GPLD1: variants seen among roughly 807,000 people sequenced by gnomAD.
The protein encoded by GPLD1 is glycosylphosphatidylinositol specific phospholipase D1.
GPLD1 carries 84 observed loss-of-function variants against 112.6 expected under a neutral mutation model. That is an observed-to-expected ratio of 0.75 (90% CI 0.63 to 0.89). The LOEUF is 0.89. GPLD1 is among the 40% of genes least tolerant of loss of function. The pLI is 0.00. For synonymous variants in GPLD1, 386 were observed against 403.8 expected, an observed-to-expected ratio of 0.96 and a Z score of 0.53; for missense variants, 1,044 against 1,051.5, an observed-to-expected ratio of 0.99 and a Z score of 0.10.
In GPLD1 at chr6:24,434,550, G is replaced by A. The variant is rs115095840; in HGVS notation, c.2359-1161C>T. Among the ~76,000 whole-genome samples, 373 of 152,244 alleles carry A rather than the reference G, an allele frequency of 2.5e-3. 1 individual carries two copies. The highest frequency in any genetic ancestry group is 8.4e-3 in the African/African-American group (350 of 41,546). On this transcript the variant is annotated intron_variant, in intron 22 of 24. Coordinates refer to ENST00000230036, the MANE Select transcript of GPLD1 (RefSeq NM_001503.4). ...TGTTGTGCCCTGCCTTCCTGGCAGT[G>A]TAACCTTGAATAAACTTCCTCGCTG...
At chr6:24,474,903 G>T (rs566631939) in intron 5 of GPLD1, among the ~76,000 whole-genome samples, 1 of 147,008 alleles carries the variant, frequency 6.8e-6, no homozygotes, top group Non-Finnish European at 1.5e-5. Context: ...TCGCGCCTTC[G>T]CACCACTGCA....
intron 2 of GPLD1, among the ~76,000 whole-genome samples, chr6:24,483,536 G>A (rs571062148): frequency 2.6e-5 from 4 of 151,686 alleles, no homozygotes; most frequent in Non-Finnish European, 4.4e-5. Context: ...AAAATTAGCC[G>A]GGCATGGTGG....
chr6:24,492,416 G>A (rs187348059), upstream of GPLD1, among the ~76,000 whole-genome samples: 31 of 148,940 alleles, frequency 2.1e-4, no homozygotes, highest in East Asian at 6.3e-3. Flanking sequence ...TGAGGCAGGA[G>A]AATCACTTGA....
At chr6:24,463,806 T>G (rs745885168) in intron 10 of GPLD1, among the ~76,000 whole-genome samples, 1 of 152,232 alleles carries the variant, frequency 6.6e-6, no homozygotes, top group Non-Finnish European at 1.5e-5. Flanking sequence ...AATTTTTTTG[T>G]GTTGTCTCTT....
At chr6:24,434,087 T>A (rs989533225) in intron 22 of GPLD1, among the ~76,000 whole-genome samples, 2 of 152,068 alleles carry the variant, frequency 1.3e-5, no homozygotes, top group African/African-American at 4.8e-5. Flanking sequence ...TCTCGGTATA[T>A]TGTTAGGTAG....
intron 20 of GPLD1, among the ~76,000 whole-genome samples, chr6:24,437,909 GA>G (rs1245637078): frequency 2.0e-5 from 3 of 152,142 alleles, no homozygotes; most frequent in Non-Finnish European, 4.4e-5. Flanking sequence ...CTGGTCTAGA[GA>G]AGAGGCCGCT....
At chr6:24,424,622 C>G (rs1337536391), downstream of GPLD1, 1 of 152,180 alleles carries the variant, frequency 6.6e-6, no homozygotes, top group Admixed American at 6.5e-5. Flanking sequence ...AGCCTGAAAG[C>G]TGCCATCCTC....
chr6:24,475,932 A>T lies in GPLD1; in HGVS notation c.330+249T>A, dbSNP rs181684040. The stretch of plus-strand genomic sequence containing the variant: ...TAAGGACTTTTGGAAACGTTTTACG[A>T]TGTGTTGGAAGTGCTTTCAGATTAA... On this transcript the variant is annotated intron_variant, in intron 4 of 24. Coordinates refer to ENST00000230036, the MANE Select transcript of GPLD1 (RefSeq NM_001503.4). Among the ~76,000 whole-genome samples, 148 of 152,230 alleles carry T rather than the reference A, an allele frequency of 9.7e-4. 5 individuals are homozygous for T. The highest frequency in any genetic ancestry group is 9.7e-3 in the Admixed American group (148 of 15,282).
upstream of GPLD1, among the ~76,000 whole-genome samples, chr6:24,491,451 C>T (rs1764557005): frequency 6.6e-6 from 1 of 152,178 alleles, no homozygotes; most frequent in South Asian, 2.1e-4. Context: ...ATAATCCCAG[C>T]ACTTTAGGAG....
At chr6:24,460,204 C>A (rs1482679611) in intron 12 of GPLD1, 75 bp downstream of exon 12, 2 of 1,533,690 alleles carry the variant, frequency 1.3e-6, no homozygotes, top group African/African-American at 2.7e-5. Flanking sequence ...CAAATAAATA[C>A]CCAGGGACTC....
downstream of GPLD1, chr6:24,425,152 A>T (rs1443632603): frequency 6.6e-6 from 1 of 152,212 alleles, no homozygotes. Context: ...ATTGTATTTG[A>T]TAATACTTAT....
At position 24,447,869 on chromosome 6, in the gene GPLD1, G is replaced by A. The variant is rs780360309; in HGVS notation, c.1678+8C>T. On this transcript the variant is annotated splice_region_variant and intron_variant, in intron 17 of 24. Coordinates refer to ENST00000230036, the MANE Select transcript of GPLD1 (RefSeq NM_001503.4). ...CCATGGTCTCACCCATTCCCCCTCA[G>A]GCACTACCTTTGTCGCTCAGGCTGG... 2.5e-6 allele frequency: 4 copies of A among 1,613,550 alleles called. No homozygotes were observed. In the South Asian group the frequency reaches 4.4e-5, roughly 18 times the overall value.
intron 13 of GPLD1, among the ~76,000 whole-genome samples, chr6:24,454,544 C>A (rs1197347849): frequency 6.6e-6 from 1 of 152,232 alleles, no homozygotes; most frequent in East Asian, 1.9e-4. Context: ...TCCAGCCAAG[C>A]CCCTCTAGCC....
chr6:24,443,226 G>A (rs751944737), intron 20 of GPLD1, among the ~76,000 whole-genome samples: 5 of 152,142 alleles, frequency 3.3e-5, no homozygotes, highest in Admixed American at 6.5e-5. Flanking sequence ...AAGGGGAACC[G>A]AGGAAGAAGA....
chr6:24,485,943 A>T, intron 2 of GPLD1, 132 bp downstream of exon 2: 1 of 602,186 alleles, frequency 1.7e-6, no homozygotes, highest in Non-Finnish European at 3.0e-6. Flanking sequence ...TGCTGGGATT[A>T]CAGGCATGAG....
chr6:24,478,252 T>C lies in GPLD1; in HGVS notation c.232+1629A>G, dbSNP rs1392959516. Among the ~76,000 whole-genome samples the C allele has an allele frequency of 3.3e-5, 5 of 152,174 alleles. No homozygotes were observed. In the East Asian group the frequency reaches 7.7e-4, roughly 23 times the overall value. ...AATAATAGGTTAGAAAGGAGAACTA[T>C]AACATGCAGGCAAAATAATAGGATT... On this transcript the variant is annotated intron_variant, in intron 3 of 24. Coordinates refer to ENST00000230036, the MANE Select transcript of GPLD1 (RefSeq NM_001503.4).
intron 24 of GPLD1, among the ~76,000 whole-genome samples, chr6:24,429,911 G>A (rs774875991): frequency 6.6e-6 from 1 of 152,208 alleles, no homozygotes; most frequent in Non-Finnish European, 1.5e-5. Context: ...TGTGGAAACT[G>A]ACAAAAGTTA....
At position 24,454,200 on chromosome 6, in the gene GPLD1, C is replaced by A; in HGVS notation, c.1150G>T (p.Ala384Ser). 1.9e-6 allele frequency: 3 copies of A among 1,606,838 alleles called. No individual in the cohort carries two copies. Among genetic ancestry groups the A allele is most frequent in the African/African-American group, 1.3e-5 (1 of 74,860 alleles). Residue 384 changes from alanine (A) to serine (S), a missense_variant and splice_region_variant, in exon 14 of 25, where the codon GCA (alanine) becomes TCA (serine). Ala to Ser is a moderately conservative substitution (Grantham distance 99). Coordinates refer to ENST00000230036, the MANE Select transcript of GPLD1 (RefSeq NM_001503.4). ...LSFPYARLGW[A>S]MTSADLNQDG... ...TGGTTGAGGTCAGCTGAGGTCATTG[C>A]CCTTAGGGAAGTGAAGGGACCCACC... is the stretch of plus-strand genomic sequence containing the variant.
chr6:24,431,547 T>G (rs1762404272), intron 24 of GPLD1, among the ~76,000 whole-genome samples: 1 of 151,810 alleles, frequency 6.6e-6, no homozygotes, highest in South Asian at 2.1e-4. Context: ...TTTTTTTTTT[T>G]TTTTTGAGAC....
Sources: gnomAD v4.1 joint callset for allele counts (sites outside exome capture counted in the v4.1 genomes callset) on GRCh38, gnomAD v4.1.1 for gene constraint, MANE v1.5 for transcripts, NCBI Gene and HGNC (gene_info 2026-07-23, HGNC 2026-07-21) for gene names.